Variants in SNAP91 observed in about 807,000 individuals in gnomAD.
SNAP91 encodes the protein synaptosome associated protein 91, also known as clathrin coat assembly protein AP180.
In SNAP91, 27 loss-of-function variants were observed where a neutral mutation model predicts 100.3. The ratio of observed to expected loss-of-function variants is 0.27; its 90% CI spans 0.20 to 0.37. SNAP91 has a LOEUF of 0.37. Among genes scored for constraint, SNAP91 ranks in the 10% least tolerant of loss-of-function variants. The pLI is 1.00. For synonymous variants in SNAP91, 404 were observed against 398.6 expected (o/e 1.01, Z -0.16); for missense variants, 986 against 1,123.7 (o/e 0.88, Z 1.75).
chr6:83,642,722 G>A (rs1036583297), intron 7 of SNAP91, among the ~76,000 whole-genome samples: 8 of 152,150 alleles, frequency 5.3e-5, no homozygotes, highest in Admixed American at 4.6e-4. Flanking sequence ...GGATGGCTGA[G>A]TCAAATGGTA....
intron 26 of SNAP91, among the ~76,000 whole-genome samples, chr6:83,574,232 C>T (rs1052615014): frequency 4.6e-5 from 7 of 152,122 alleles, no homozygotes; most frequent in African/African-American, 1.7e-4. Flanking sequence ...CAGTGATTAG[C>T]TTAGTTTTGC....
At chr6:83,611,519 A>C (rs1179510290) in intron 11 of SNAP91, 1 of 449,900 alleles carries the variant, frequency 2.2e-6, no homozygotes, top group South Asian at 1.6e-5. Flanking sequence ...GCCTATATTC[A>C]CCGCCTTACT....
chr6:83,665,637 T>C (rs560731716), intron 2 of SNAP91, 56 bp from the exon 3 acceptor site: 6 of 1,533,906 alleles, frequency 3.9e-6, no homozygotes, highest in Non-Finnish European at 5.3e-6. Flanking sequence ...CAAAAATTCA[T>C]TTCAAACTTG....
At chr6:83,609,640 C>A (rs971313510) in intron 12 of SNAP91, among the ~76,000 whole-genome samples, 1 of 152,174 alleles carries the variant, frequency 6.6e-6, no homozygotes, top group African/African-American at 2.4e-5. Flanking sequence ...TAAATGTGAA[C>A]TACAGACCTA....
intron 26 of SNAP91, among the ~76,000 whole-genome samples, chr6:83,571,726 T>C (rs1461961163): frequency 6.6e-6 from 1 of 152,190 alleles, no homozygotes; most frequent in Non-Finnish European, 1.5e-5. Flanking sequence ...GGTGGACTGT[T>C]GGGAAGGCAT....
At chr6:83,697,028 C>T (rs975681419) in intron 2 of SNAP91, among the ~76,000 whole-genome samples, 1 of 151,994 alleles carries the variant, frequency 6.6e-6, no homozygotes, top group African/African-American at 2.4e-5. Context: ...TTATTTATTG[C>T]TTTCTTTACA....
Position 83,701,518 on chromosome 6 carries a change from C to G in SNAP91, c.130+6280G>C, listed in dbSNP as rs147214302. On this transcript the variant is annotated intron_variant, in intron 2 of 29. Coordinates refer to ENST00000369694, the MANE Select transcript of SNAP91 (RefSeq NM_001242792.2). ...CTGGAGTACAATGGCGCGATCTCGGCTCACTGCAACCTCCGCCTCTCGGGT... is the reference window on the plus strand; with the variant it reads ...CTGGAGTACAATGGCGCGATCTCGGGTCACTGCAACCTCCGCCTCTCGGGT... Among the ~76,000 whole-genome samples, 317 of 151,940 alleles carry G rather than the reference C, an allele frequency of 2.1e-3. 1 individual carries two copies. The highest frequency in any genetic ancestry group is 7.1e-3 in the African/African-American group (294 of 41,418).
chr6:83,704,493 C>T (rs1250504418), intron 2 of SNAP91, among the ~76,000 whole-genome samples: 1 of 152,052 alleles, frequency 6.6e-6, no homozygotes, highest in Non-Finnish European at 1.5e-5. Flanking sequence ...TATAATTCTG[C>T]CCTCAGATGT....
intron 2 of SNAP91, among the ~76,000 whole-genome samples, chr6:83,677,463 G>T (rs2098926472): frequency 6.6e-6 from 1 of 152,122 alleles, no homozygotes; most frequent in African/African-American, 2.4e-5. Context: ...CCAACCATGT[G>T]CATGAGTCTG....
At chr6:83,625,163 A>C (rs2096883247) in intron 8 of SNAP91, among the ~76,000 whole-genome samples, 1 of 152,142 alleles carries the variant, frequency 6.6e-6, no homozygotes, top group African/African-American at 2.4e-5. Context: ...TTTCTGCATT[A>C]GTTCACTTAC....
intron 14 of SNAP91, among the ~76,000 whole-genome samples, chr6:83,605,302 A>G (rs1333199726): frequency 6.6e-6 from 1 of 152,196 alleles, no homozygotes; most frequent in African/African-American, 2.4e-5. Flanking sequence ...CCAAATTGGA[A>G]ATGTTACCTT....
At chr6:83,616,203 A>G (rs529670381) in intron 10 of SNAP91, among the ~76,000 whole-genome samples, 2 of 152,324 alleles carry the variant, frequency 1.3e-5, no homozygotes, top group East Asian at 3.9e-4. Flanking sequence ...CCCAGGATGC[A>G]TAAGATTTAC....
intron 28 of SNAP91, 48 bp from the exon 29 acceptor site, chr6:83,556,293 G>C: frequency 1.5e-6 from 1 of 670,680 alleles, no homozygotes; most frequent in Non-Finnish European, 2.3e-6. Context: ...AAAGCAGAGA[G>C]AGAATGAGAC....
intron 8 of SNAP91, among the ~76,000 whole-genome samples, chr6:83,627,023 C>T (rs217343): frequency 0.51 from 77,355 of 151,846 alleles, 20,791 homozygotes; most frequent in African/African-American, 0.7. Context: ...TTTTGAAGTA[C>T]GTTCCTTCAA....
intron 9 of SNAP91, 60 bp from the exon 10 acceptor site, chr6:83,617,099 T>C: frequency 8.9e-7 from 1 of 1,124,948 alleles, no homozygotes; most frequent in South Asian, 1.5e-5. Flanking sequence ...AAACACACTG[T>C]AATGTCACTG....
intron 2 of SNAP91, chr6:83,690,542 A>G: frequency 2.1e-6 from 1 of 472,894 alleles, no homozygotes; most frequent in Non-Finnish European, 3.5e-6. Context: ...GGTTATATCC[A>G]TTTTGACTAA....
At chr6:83,556,295 G>C in intron 28 of SNAP91, 50 bp from the exon 29 acceptor site, 1 of 583,992 alleles carries the variant, frequency 1.7e-6, no homozygotes, top group Non-Finnish European at 2.7e-6. Context: ...AGCAGAGAGA[G>C]AATGAGACAT....
At chr6:83,658,726 A>G (rs2098466141) in intron 6 of SNAP91, among the ~76,000 whole-genome samples, 1 of 152,262 alleles carries the variant, frequency 6.6e-6, no homozygotes, top group Non-Finnish European at 1.5e-5. Context: ...CCTGTCAAGT[A>G]CAATAGGAAG....
chr6:83,694,422 G>C (rs549330279), intron 2 of SNAP91, among the ~76,000 whole-genome samples: 1 of 152,146 alleles, frequency 6.6e-6, no homozygotes, highest in African/African-American at 2.4e-5. Flanking sequence ...ACCATGATAC[G>C]AGCAAAAAAT....
Sources: gnomAD v4.1 joint callset for allele counts (sites outside exome capture counted in the v4.1 genomes callset) on GRCh38, gnomAD v4.1.1 for gene constraint, MANE v1.5 for transcripts, NCBI Gene and HGNC (gene_info 2026-07-23, HGNC 2026-07-21) for gene names.